CABIN1: variants seen among roughly 807,000 people sequenced by gnomAD.
CABIN1 encodes the protein calcineurin binding protein 1, also known as calcineurin-binding protein cabin-1.
CABIN1 carries 133 observed loss-of-function variants against 227.7 expected under a neutral mutation model. The observed-to-expected ratio is 0.58, with a 90% CI of 0.51 to 0.67. The LOEUF (loss-of-function observed/expected upper bound fraction) is 0.67. Among genes scored for constraint, CABIN1 ranks in the 30% least tolerant of loss-of-function variants. The pLI, the probability that CABIN1 is intolerant of heterozygous loss-of-function variation, is 0.00. For missense variants in CABIN1, 2,408 were observed against 2,852.5 expected (o/e 0.84, Z 3.55); for synonymous variants, 1,086 against 1,155.1 (o/e 0.94, Z 1.21).
rs2037328809 is a variant in CABIN1 at position 24,041,059 on chromosome 22, G to A, written c.211-80G>A. 4.4e-6 allele frequency: 7 copies of A among 1,586,948 alleles called. No individual in the cohort carries two copies. In the Admixed American group the frequency reaches 1.0e-4, roughly 23 times the overall value. ...GCTCAAGGGCCTGCAGCAGAGGCCA[G>A]CCTGGAAGCCAAGTATCCTGCTGGC... On this transcript the variant is annotated intron_variant, in intron 4 of 36. Transcript: ENST00000263119.
chr22:24,115,157 C>A (rs1448069892), intron 27 of CABIN1, among the ~76,000 whole-genome samples: 2 of 152,200 alleles, frequency 1.3e-5, no homozygotes, highest in Non-Finnish European at 2.9e-5. Flanking sequence ...GTAAGACCTA[C>A]CATGTGTGCT....
Position 24,071,048 on chromosome 22 carries a change from C to T in CABIN1, c.2475+6C>T, listed in dbSNP as rs1484048100. On this transcript the variant is annotated splice_donor_region_variant and intron_variant, in intron 17 of 36. Coordinates refer to ENST00000263119, the MANE Select transcript of CABIN1 (RefSeq NM_012295.4). ...TCACCAACAACCTCATCCAGGTAAC[C>T]CCTGGCTCCTTCTCACCCTGCCCTG... 6.2e-7 allele frequency: 1 copy of T among 1,614,220 alleles called. No individual in the cohort carries two copies. Among genetic ancestry groups the T allele is most frequent in the South Asian group, 1.1e-5 (1 of 91,084 alleles).
chr22:24,084,481 T>C (rs2041017403), intron 20 of CABIN1, 98 bp from the exon 21 acceptor site: 29 of 993,038 alleles, frequency 2.9e-5, no homozygotes, highest in Non-Finnish European at 4.2e-5. Context: ...CATAACCTCA[T>C]TTACATTGGA....
intron 18 of CABIN1, 73 bp from the exon 19 acceptor site, chr22:24,076,096 T>C (rs2040419515): frequency 5.9e-6 from 6 of 1,013,340 alleles, no homozygotes; most frequent in Non-Finnish European, 9.3e-6. Flanking sequence ...AAGAGGAGAC[T>C]GAGCCTCGCA....
chr22:24,125,448 G>T (rs914508339), intron 28 of CABIN1, among the ~76,000 whole-genome samples: 2 of 152,246 alleles, frequency 1.3e-5, no homozygotes, highest in Non-Finnish European at 2.9e-5. Context: ...CTATCGTGCA[G>T]GTTAAACGAG....
At chr22:24,133,336 G>A (rs551747779) in intron 28 of CABIN1, among the ~76,000 whole-genome samples, 2 of 152,356 alleles carry the variant, frequency 1.3e-5, no homozygotes, top group South Asian at 4.1e-4. Context: ...ATGATTAGGG[G>A]AATGGTTCAG....
Position 24,177,914 on chromosome 22 carries a change from G to T in CABIN1, c.6519+97G>T. ...GGTGGGGGTGGCAGGAGGGCCTGGG[G>T]TGTGGGTGAGGATGGCATAGGGGCC... On this transcript the variant is annotated intron_variant, in intron 36 of 36. Coordinates refer to ENST00000263119, the MANE Select transcript of CABIN1 (RefSeq NM_012295.4). The surrounding 1 kb of genome is among the most constrained non-coding windows in gnomAD (Gnocchi z 4.4). 1 of 1,499,238 alleles carries T rather than the reference G, an allele frequency of 6.7e-7. No homozygotes were observed. 92.9% of individuals were successfully genotyped at this position (1,499,238 alleles called of 1,614,324 possible).
At position 24,177,525 on chromosome 22, in the gene CABIN1, C is replaced by A; in HGVS notation, c.6227C>A (p.Pro2076Gln). ...CSQEGKLRPE[P>Q]RRDGEAQEAA... ...CCAGAGGGGAAACTGAGGCCTGAGCCGAGAAGGGATGGGGAGGCTCAGGAG... is the reference window on the plus strand; with the variant it reads ...CCAGAGGGGAAACTGAGGCCTGAGCAGAGAAGGGATGGGGAGGCTCAGGAG... The change falls in exon 36 of 37, where the codon CCG becomes CAG. Residue 2076 changes from proline (P) to glutamine (Q), a missense_variant. Physicochemically the swap from Pro to Gln is moderately conservative, Grantham distance 76 (BLOSUM62 -1). Transcript: ENST00000263119. The surrounding 1 kb of genome is among the most constrained non-coding windows in gnomAD (Gnocchi z 4.4). The A allele has an allele frequency of 6.5e-7, 1 of 1,543,970 alleles. No individual in the cohort carries two copies.
intron 20 of CABIN1, 61 bp from the exon 21 acceptor site, chr22:24,084,518 A>G (rs1219128203): frequency 6.7e-6 from 9 of 1,338,276 alleles, no homozygotes; most frequent in South Asian, 1.2e-5. Flanking sequence ...GGAGGAATGC[A>G]ATTTTCCTTC....
intron 29 of CABIN1, among the ~76,000 whole-genome samples, chr22:24,158,541 G>A (rs1016715863): frequency 2.6e-5 from 4 of 152,128 alleles, no homozygotes; most frequent in Non-Finnish European, 5.9e-5. Flanking sequence ...TAAAAGTCAG[G>A]ATTAAAATTA....
intron 5 of CABIN1, 62 bp from the exon 6 acceptor site, chr22:24,042,818 CTGTGTGTGTGTGTGTGTGTGTGTG>C (rs56070926): frequency 5.6e-4 from 383 of 687,234 alleles, no homozygotes; most frequent in East Asian, 3.6e-3. Context: ...AGAGATCTGA[CTGTGTGTGTGTGTGTGTGTGTGTG>C]TGTGTGTGTG....
rs748837883 is a variant in CABIN1, at chr22:24,059,317, T to G, written c.1353T>G (p.Ile451Met). The G allele has an allele frequency of 6.2e-7, 1 of 1,614,192 alleles. No individual in the cohort carries two copies. The highest frequency in any genetic ancestry group is 8.5e-7 in the Non-Finnish European group (1 of 1,180,012). The change falls in exon 11 of 37, where the codon ATT becomes ATG. Residue 451 changes from isoleucine (I) to methionine (M), a missense_variant. Physicochemically the swap from Ile to Met is conservative, Grantham distance 10. This residue lies in a region of CABIN1 where 1,045 missense variants were observed against 1,168.4 expected (regional missense o/e 0.89). Coordinates refer to ENST00000263119, the MANE Select transcript of CABIN1 (RefSeq NM_012295.4). ...SEAKLESFPS[I>M]GPQRLSFDSA... is the part of the protein sequence containing the mutation. ...CCAAACTGGAAAGCTTCCCAAGCAT[T>G]GGGCCTCAAAGGCTGTCATTTGACT...
In CABIN1 at chr22:24,132,204, T is replaced by A. The variant is rs142724518; in HGVS notation, c.4633-2098T>A. On this transcript the variant is annotated intron_variant, in intron 28 of 36. Transcript: ENST00000263119. ...ACTTTGAACCAAGTGTCGCAGTGGG[T>A]CATGGCTGAGCACTGATGCAGGTTG... 8.8e-3 allele frequency among the ~76,000 whole-genome samples: 1,334 copies of A among 152,274 alleles called. 20 individuals are homozygous for A. The highest frequency in any genetic ancestry group is 0.03 in the African/African-American group (1,250 of 41,542).
chr22:24,071,062 C>T lies in CABIN1; in HGVS notation c.2475+20C>T, dbSNP rs996730705. On this transcript the variant is annotated intron_variant, in intron 17 of 36. Transcript: ENST00000263119. Reference sequence around the variant, plus strand: ...ATCCAGGTAACCCCTGGCTCCTTCTCACCCTGCCCTGCCCCAGCAGGTATG... The same window carrying T: ...ATCCAGGTAACCCCTGGCTCCTTCTTACCCTGCCCTGCCCCAGCAGGTATG... 6.8e-6 allele frequency: 11 copies of T among 1,614,082 alleles called. No homozygotes were observed. The highest frequency in any genetic ancestry group is 5.0e-5 in the Admixed American group (3 of 60,012).
Position 24,059,244 on chromosome 22 carries a change from C to T in CABIN1, c.1280C>T (p.Pro427Leu). ...FLPSRLRKLD[P>L]EEEDDSFNNY... is the part of the protein sequence containing the mutation. The stretch of plus-strand genomic sequence containing the variant: ...ACATGCAGGTTAAGAAAGCTGGACC[C>T]TGAGGAGGAAGATGATTCCTTTAAT... The change falls in exon 11 of 37, where the codon CCT becomes CTT. Residue 427 changes from proline to leucine, a missense_variant. By Grantham distance (98) the Pro-to-Leu change is moderately conservative (BLOSUM62 -3). Coordinates refer to ENST00000263119, the MANE Select transcript of CABIN1 (RefSeq NM_012295.4). 1.2e-6 allele frequency: 2 copies of T among 1,614,216 alleles called. No homozygotes were observed. Among genetic ancestry groups the T allele is most frequent in the Non-Finnish European group, 8.5e-7 (1 of 1,180,040 alleles).
At position 24,139,427 on chromosome 22, in the gene CABIN1, G is replaced by A. The variant is rs993421353; in HGVS notation, c.4746+5012G>A. Among the ~76,000 whole-genome samples the A allele has an allele frequency of 7.9e-5, 12 of 152,260 alleles. No homozygotes were observed. The South Asian group carries it at 8.3e-4, about 11-fold the overall frequency. On this transcript the variant is annotated intron_variant, in intron 29 of 36. Coordinates refer to ENST00000263119, the MANE Select transcript of CABIN1 (RefSeq NM_012295.4). ...CTAAAAATACAAAAATTAGCCGGGC[G>A]TGGTGGTGCATGCCTGTAGTCCCAG...
In CABIN1 at chr22:24,069,789, C is replaced by T. The variant is rs116256931; in HGVS notation, c.2233-1011C>T. Among the ~76,000 whole-genome samples the T allele has an allele frequency of 8.3e-4, 126 of 152,272 alleles. 1 individual carries two copies. The highest frequency in any genetic ancestry group is 2.9e-3 in the African/African-American group (119 of 41,546). On this transcript the variant is annotated intron_variant, in intron 16 of 36. Coordinates refer to ENST00000263119, the MANE Select transcript of CABIN1 (RefSeq NM_012295.4). ...GGTTTTGATCTGTGTTCAGATACCA[C>T]ACCACATTCCAAAGGCAGTTCCAGG...
At chr22:24,169,436 C>G (rs527877551) in intron 33 of CABIN1, among the ~76,000 whole-genome samples, 2 of 152,212 alleles carry the variant, frequency 1.3e-5, no homozygotes, top group Non-Finnish European at 2.9e-5. Context: ...GCCCCCACCA[C>G]CTGCCTGGGC....
chr22:24,089,947 G>A (rs2041431493), intron 23 of CABIN1, among the ~76,000 whole-genome samples: 1 of 152,214 alleles, frequency 6.6e-6, no homozygotes, highest in African/African-American at 2.4e-5. Context: ...GGGAACACCT[G>A]CCATCAGCCA....
Sources: gnomAD v4.1 joint callset for allele counts (sites outside exome capture counted in the v4.1 genomes callset) on GRCh38, gnomAD v4.1.1 for gene constraint, gnomAD v4.1.1 regional missense constraint, Gnocchi (gnomAD v3.1) non-coding constraint, MANE v1.5 for transcripts, NCBI Gene and HGNC (gene_info 2026-07-23, HGNC 2026-07-21) for gene names.